Variants in SH2D7 observed in about 807,000 individuals in gnomAD.
The protein encoded by SH2D7 is SH2 domain containing 7.
A neutral mutation model predicts 40.8 loss-of-function variants in SH2D7; 32 were observed. The ratio of observed to expected loss-of-function variants is 0.78; its 90% confidence interval spans 0.59 to 1.05. The LOEUF is 1.05. Among genes scored for constraint, SH2D7 ranks in the 50% least tolerant of loss-of-function variants. The pLI is 0.00. For missense variants in SH2D7, 559 were observed against 566.6 expected, an observed-to-expected ratio of 0.99 and a Z score of 0.14; for synonymous variants, 195 against 221.5, an observed-to-expected ratio of 0.88 and a Z score of 1.06.
chr15:78,099,102 C>T (rs542075185), intron 4 of SH2D7, among the ~76,000 whole-genome samples: 3 of 151,906 alleles, frequency 2.0e-5, no homozygotes, highest in South Asian at 2.1e-4. Flanking sequence ...CAATCTCCGC[C>T]GTCTCCTGGG....
Position 78,098,542 on chromosome 15 carries a change from A to G in SH2D7, c.591A>G (p.Ala197=), listed in dbSNP as rs1168297150. The stretch of plus-strand genomic sequence containing the variant: ...AGCCCCAGGTCTCCTTCCTCCATGC[A>G]CAGAAAAGCCTGGATGTGAGTCCCC... ...SPKPQVSFLH[A]QKSLDVSPRN... Residue 197 remains alanine (A), a synonymous_variant, in exon 4 of 6, where the codon GCA becomes GCG. Transcript: ENST00000328828. The G allele has an allele frequency of 1.2e-6, 2 of 1,613,826 alleles. No individual in the cohort carries two copies. The highest frequency in any genetic ancestry group is 1.7e-6 in the Non-Finnish European group (2 of 1,179,874).
intron 5 of SH2D7, among the ~76,000 whole-genome samples, chr15:78,102,071 G>A (rs1362040299): frequency 2.0e-5 from 3 of 152,072 alleles, no homozygotes; most frequent in African/African-American, 7.2e-5. Flanking sequence ...GGGCAACATG[G>A]CAAAATCCCA....
At chr15:78,091,189 T>C (rs1596338624), upstream of SH2D7, 1 of 152,180 alleles carries the variant, frequency 6.6e-6, no homozygotes, top group East Asian at 1.9e-4. Flanking sequence ...AAACCAAGCA[T>C]CTCTGTCTTA....
intron 5 of SH2D7, among the ~76,000 whole-genome samples, chr15:78,102,977 G>A (rs2074027388): frequency 6.6e-6 from 1 of 152,082 alleles, no homozygotes; most frequent in Non-Finnish European, 1.5e-5. Context: ...ACACCCCATG[G>A]ATAGCAGCCT....
In SH2D7 at chr15:78,102,895, C is replaced by T. The variant is rs377122009; in HGVS notation, c.1306-570C>T. On this transcript the variant is annotated intron_variant, in intron 5 of 5. Transcript: ENST00000328828. ...AGTCAGGCACACGCGGATCTTCCTG[C>T]CTGGGCTCCTGGTGGAAAGATCTTC... is the stretch of plus-strand genomic sequence containing the variant. Among the ~76,000 whole-genome samples, 9 of 152,298 alleles carry T rather than the reference C, an allele frequency of 5.9e-5. No homozygotes were observed. The South Asian group carries it at 1.0e-3, about 18-fold the overall frequency.
chr15:78,102,512 G>A (rs1200693511), intron 5 of SH2D7, among the ~76,000 whole-genome samples: 2 of 152,046 alleles, frequency 1.3e-5, no homozygotes, highest in Non-Finnish European at 2.9e-5. Flanking sequence ...TTGATGAACA[G>A]AGCTATTATT....
At chr15:78,101,959 A>C (rs1201730007) in intron 5 of SH2D7, among the ~76,000 whole-genome samples, 1 of 152,138 alleles carries the variant, frequency 6.6e-6, no homozygotes, top group Non-Finnish European at 1.5e-5. Flanking sequence ...ATAAACAACA[A>C]ATATTTTTGA....
At position 78,098,069 on chromosome 15, in the gene SH2D7, A is replaced by G. The variant is rs2073985575; in HGVS notation, c.407A>G (p.Glu136Gly). 6.2e-7 allele frequency: 1 copy of G among 1,612,478 alleles called. No homozygotes were observed. Reference sequence around the variant, plus strand: ...GAGGCACAGCTCGAGCCCTTCAAAGAGATGCTGACTGCTGCCTGCCCCCGG... The same window carrying G: ...GAGGCACAGCTCGAGCCCTTCAAAGGGATGCTGACTGCTGCCTGCCCCCGG... ...YQEAQLEPFKEMLTAACPRPE... is the reference protein window; with the variant it reads ...YQEAQLEPFKGMLTAACPRPE... Residue 136 changes from glutamate to glycine, a missense_variant, in exon 3 of 6, where the codon GAG becomes GGG. By Grantham distance (98) the Glu-to-Gly change is moderately conservative (BLOSUM62 -2). Transcript: ENST00000328828.
At chr15:78,092,899 G>A in intron 1 of SH2D7, 139 bp downstream of exon 1, 1 of 1,154,810 alleles carries the variant, frequency 8.7e-7, no homozygotes, top group Non-Finnish European at 1.2e-6. Context: ...GGGGGCAGGG[G>A]AACAGACTGA....
In SH2D7 at chr15:78,100,892, T is replaced by C. The variant is rs1186855907; in HGVS notation, c.646-7T>C. Reference sequence around the variant, plus strand: ...CCTTAAGAGTTTCTCTGTCCCTGTCTCCCCAGGCTCCCATCAGAGTGTCTC... The same window carrying C: ...CCTTAAGAGTTTCTCTGTCCCTGTCCCCCCAGGCTCCCATCAGAGTGTCTC... On this transcript the variant is annotated splice_polypyrimidine_tract_variant and splice_region_variant and intron_variant, in intron 4 of 5. Transcript: ENST00000328828. The C allele has an allele frequency of 6.2e-7, 1 of 1,610,616 alleles. No individual in the cohort carries two copies. Among genetic ancestry groups the C allele is most frequent in the Non-Finnish European group, 8.5e-7 (1 of 1,178,866 alleles).
In SH2D7 at chr15:78,103,639, C is replaced by T. The variant is rs1369768043; in HGVS notation, c.*124C>T. 1 of 1,213,644 alleles carries T rather than the reference C, an allele frequency of 8.2e-7. No individual in the cohort carries two copies. Among genetic ancestry groups the T allele is most frequent in the Non-Finnish European group, 1.2e-6 (1 of 869,466 alleles). 75.2% of individuals were successfully genotyped at this position (1,213,644 alleles called of 1,614,324 possible). On this transcript the variant is annotated 3_prime_UTR_variant, in exon 6 of 6. Coordinates refer to ENST00000328828, the MANE Select transcript of SH2D7 (RefSeq NM_001101404.2). ...ATCTTGAGACTCATCCAGCCTGCTACAGAACTAGGCTCCGAGACAGCCGAG... is the reference window on the plus strand; with the variant it reads ...ATCTTGAGACTCATCCAGCCTGCTATAGAACTAGGCTCCGAGACAGCCGAG...
intron 4 of SH2D7, among the ~76,000 whole-genome samples, chr15:78,099,013 T>C (rs1046415904): frequency 2.1e-5 from 3 of 143,548 alleles, no homozygotes; most frequent in Admixed American, 6.9e-5. Flanking sequence ...GAAAGATTTT[T>C]CTTTTCTTTT....
At chr15:78,092,862 T>G in intron 1 of SH2D7, 102 bp downstream of exon 1, 1 of 1,376,972 alleles carries the variant, frequency 7.3e-7, no homozygotes. Context: ...ATCCTTTCCC[T>G]GGGCTAGGCA....
At chr15:78,092,881 T>C in intron 1 of SH2D7, 121 bp downstream of exon 1, 3 of 1,254,476 alleles carry the variant, frequency 2.4e-6, no homozygotes, top group Non-Finnish European at 3.2e-6. Context: ...CAGGGGCCCT[T>C]GGAGGCGGGG....
chr15:78,094,380 T>C (rs1403824018), intron 2 of SH2D7, among the ~76,000 whole-genome samples, 179 bp downstream of exon 2: 1 of 152,034 alleles, frequency 6.6e-6, no homozygotes, highest in Non-Finnish European at 1.5e-5. Flanking sequence ...GGCCATATAC[T>C]AGGGATGAAG....
intron 5 of SH2D7, 117 bp from the exon 6 acceptor site, chr15:78,103,348 G>C: frequency 8.7e-7 from 1 of 1,155,456 alleles, no homozygotes; most frequent in Non-Finnish European, 1.2e-6. Flanking sequence ...ATTCCAACCT[G>C]GCCTCATGTC....
chr15:78,101,021 G>C lies in SH2D7; in HGVS notation c.768G>C (p.Leu256Phe), dbSNP rs767062911. The change falls in exon 5 of 6, where the codon TTG (leucine) becomes TTC (phenylalanine). Residue 256 changes from leucine to phenylalanine, a missense_variant. Coordinates refer to ENST00000328828, the MANE Select transcript of SH2D7 (RefSeq NM_001101404.2). ...GGATGAACCAGGCACGGCTAGGCTT[G>C]GGCACAGAGGGGTCCGGCAGGCATG... is the stretch of plus-strand genomic sequence containing the variant. The part of the protein sequence containing the change: ...LRRMNQARLG[L>F]GTEGSGRHGP... 1.2e-6 allele frequency: 2 copies of C among 1,612,698 alleles called. No individual in the cohort carries two copies. Among genetic ancestry groups the C allele is most frequent in the Admixed American group, 3.4e-5 (2 of 59,692 alleles).
intron 3 of SH2D7, 103 bp from the exon 4 acceptor site, chr15:78,098,281 C>A: frequency 6.9e-7 from 1 of 1,459,614 alleles, no homozygotes; most frequent in Non-Finnish European, 9.4e-7. Flanking sequence ...AGGTCAGAGA[C>A]CTGGTGGGAA....
chr15:78,101,726 G>A (rs1046460281), intron 5 of SH2D7, among the ~76,000 whole-genome samples, 168 bp downstream of exon 5: 1 of 152,154 alleles, frequency 6.6e-6, no homozygotes, highest in African/African-American at 2.4e-5. Context: ...TGGTGGTGGT[G>A]GTGGGAGAGG....
Sources: gnomAD v4.1 joint callset for allele counts (sites outside exome capture counted in the v4.1 genomes callset) on GRCh38, gnomAD v4.1.1 for gene constraint, MANE v1.5 for transcripts, NCBI Gene and HGNC (gene_info 2026-07-23, HGNC 2026-07-21) for gene names.